Variants in OR7D4 observed in about 807,000 individuals in gnomAD.
The protein encoded by OR7D4 is olfactory receptor family 7 subfamily D member 4.
For missense variants in OR7D4, 319 were observed against 377.1 expected (o/e 0.85, Z 1.27); for synonymous variants, 154 against 158.4 (o/e 0.97, Z 0.21).
At position 9,214,172 on chromosome 19, in the gene OR7D4, G is replaced by C; in HGVS notation, c.666C>G (p.Val222=). The C allele has an allele frequency of 6.2e-7, 1 of 1,614,166 alleles. No individual in the cohort carries two copies. Among genetic ancestry groups the C allele is most frequent in the Non-Finnish European group, 8.5e-7 (1 of 1,180,024 alleles). ...TGGAGGACATTCCCATTAAGGAGGA[G>C]ACAATCTGAGAGTAGGAGAAGAGGA... ...AGILFSYSQI[V]SSLMGMSSTK... The change falls in exon 2 of 2, where the codon GTC becomes GTG. Residue 222 remains valine (V), a synonymous_variant. Coordinates refer to ENST00000641669, the MANE Select transcript of OR7D4 (RefSeq NM_001005191.3).
rs1158804313 is a variant in OR7D4 at position 9,212,626 on chromosome 19, T to C, written c.*1273A>G. 1 of 152,214 alleles carries C rather than the reference T, an allele frequency of 6.6e-6. No homozygotes were observed. The highest frequency in any genetic ancestry group is 1.9e-4 in the East Asian group (1 of 5,190). 9.4% of individuals were successfully genotyped at this position (152,214 alleles called of 1,614,324 possible). A position where few individuals can be genotyped will look rare whatever the true frequency, so the allele number is the denominator to read the frequency against. ...GATTTCTGTGGGCTTATAGGGCTTG[T>C]ATTTCAAAGGGATAGCATGTCAGAC... On this transcript the variant is annotated 3_prime_UTR_variant, in exon 2 of 2. Transcript: ENST00000641669.
Position 9,213,895 on chromosome 19 carries a change from T to C in OR7D4, c.*4A>G, listed in dbSNP as rs867763774. ...TGTCCTCTTAGTTCTGAGGCCCTGA[T>C]TTGTCATGGACAAGAGTCGGCCCTG... is the stretch of plus-strand genomic sequence containing the variant. On this transcript the variant is annotated 3_prime_UTR_variant, in exon 2 of 2. Coordinates refer to ENST00000641669, the MANE Select transcript of OR7D4 (RefSeq NM_001005191.3). The C allele has an allele frequency of 1.2e-6, 2 of 1,610,242 alleles. No homozygotes were observed. Among genetic ancestry groups the C allele is most frequent in the Middle Eastern group, 3.3e-4 (2 of 6,040 alleles).
At chr19:9,217,592 A>G (rs2051224123) in intron 1 of OR7D4, among the ~76,000 whole-genome samples, 2 of 152,048 alleles carry the variant, frequency 1.3e-5, no homozygotes, top group South Asian at 4.1e-4. Flanking sequence ...AGGCTGGAGT[A>G]TAGTGGTGCT....
intron 1 of OR7D4, among the ~76,000 whole-genome samples, chr19:9,218,708 A>G (rs2051235442): frequency 6.6e-6 from 1 of 152,100 alleles, no homozygotes; most frequent in Non-Finnish European, 1.5e-5. Context: ...AGCTTACTGC[A>G]ACCTCTGCCT....
chr19:9,218,031 C>G (rs2051229199), intron 1 of OR7D4, among the ~76,000 whole-genome samples: 2 of 152,170 alleles, frequency 1.3e-5, no homozygotes, highest in Non-Finnish European at 2.9e-5. Context: ...CTATATTCTT[C>G]CTCCTTGTCC....
In OR7D4 at chr19:9,213,911, G is replaced by A. The variant is rs369560207; in HGVS notation, c.927C>T (p.Asp309=). ...GALERLLSRA[D]SCP ...AGGCCCTGATTTGTCATGGACAAGA[G>A]TCGGCCCTGCTGAGGAGTCTTTCCA... is the stretch of plus-strand genomic sequence containing the variant. Residue 309 remains aspartate (D), a synonymous_variant, in exon 2 of 2, where the codon GAC becomes GAT. Coordinates refer to ENST00000641669, the MANE Select transcript of OR7D4 (RefSeq NM_001005191.3). 4 of 1,613,318 alleles carry A rather than the reference G, an allele frequency of 2.5e-6. No individual in the cohort carries two copies. The African/African-American group carries it at 5.3e-5, about 22-fold the overall frequency.
At chr19:9,217,662 C>G (rs186821986) in intron 1 of OR7D4, among the ~76,000 whole-genome samples, 1 of 152,108 alleles carries the variant, frequency 6.6e-6, no homozygotes, top group Non-Finnish European at 1.5e-5. Context: ...TCTCAGCCTC[C>G]TGAGTAGCTG....
At chr19:9,214,872 G>T in intron 1 of OR7D4, 22 bp from the exon 2 acceptor site, 1 of 1,374,608 alleles carries the variant, frequency 7.3e-7, no homozygotes, top group Non-Finnish European at 1.0e-6. Context: ...GGAGGAAAAA[G>T]CAACGTTTAA....
At chr19:9,218,779 C>G (rs1012615872) in intron 1 of OR7D4, among the ~76,000 whole-genome samples, 8 of 151,976 alleles carry the variant, frequency 5.3e-5, no homozygotes, top group African/African-American at 1.9e-4. Context: ...CAGGTGTAAG[C>G]TAAGGTGTCA....
intron 1 of OR7D4, among the ~76,000 whole-genome samples, chr19:9,218,783 G>T (rs900344043): frequency 6.6e-6 from 1 of 152,030 alleles, no homozygotes; most frequent in African/African-American, 2.4e-5. Context: ...TGTAAGCTAA[G>T]GTGTCAGGCT....
chr19:9,211,211 T>C lies in OR7D4; in HGVS notation c.*2688A>G, dbSNP rs1406328219. The C allele has an allele frequency of 6.6e-6, 1 of 152,334 alleles. No individual in the cohort carries two copies. Among genetic ancestry groups the C allele is most frequent in the Non-Finnish European group, 1.5e-5 (1 of 68,148 alleles). The allele number at this position is 152,334 out of a possible 1,614,324, so 9.4% of individuals were successfully genotyped here. ...CAAACTGAGGGGCCTTAGGCCATTG[T>C]CCTGCAAGAACCTAAACCCTACAAA... On this transcript the variant is annotated 3_prime_UTR_variant, in exon 2 of 2. Coordinates refer to ENST00000641669, the MANE Select transcript of OR7D4 (RefSeq NM_001005191.3).
chr19:9,215,627 A>C (rs918267812), intron 1 of OR7D4, among the ~76,000 whole-genome samples: 2 of 152,160 alleles, frequency 1.3e-5, no homozygotes, highest in Non-Finnish European at 2.9e-5. Flanking sequence ...TTCCTTCCTT[A>C]AAATTAAATT....
chr19:9,212,580 G>C lies in OR7D4; in HGVS notation c.*1319C>G, dbSNP rs1006465360. The C allele has an allele frequency of 1.3e-5, 2 of 152,038 alleles. No homozygotes were observed. Among genetic ancestry groups the C allele is most frequent in the African/African-American group, 4.8e-5 (2 of 41,374 alleles). 9.4% of individuals were successfully genotyped at this position (152,038 alleles called of 1,614,324 possible). The stretch of plus-strand genomic sequence containing the variant: ...GTAGTGAGACACCTAAGGGGTTTGT[G>C]CTCCCAGATTCCACGGCTCTGATTT... On this transcript the variant is annotated 3_prime_UTR_variant, in exon 2 of 2. Coordinates refer to ENST00000641669, the MANE Select transcript of OR7D4 (RefSeq NM_001005191.3).
At chr19:9,215,930 A>C (rs1432971862) in intron 1 of OR7D4, among the ~76,000 whole-genome samples, 1 of 152,158 alleles carries the variant, frequency 6.6e-6, no homozygotes, top group African/African-American at 2.4e-5. Flanking sequence ...AAAGATGTTT[A>C]ATGGACTTAC....
chr19:9,214,333 A>G lies in OR7D4; in HGVS notation c.505T>C (p.Ser169Pro). ...AAATGCGGAATCTCAGTGCCTGTGG[A>G]GAAGGTCAACCTCTTCATCAGTAGA... ...HILLMKRLTF[S>P]TGTEIPHFFC... Residue 169 changes from serine to proline, a missense_variant, in exon 2 of 2, where the codon TCC becomes CCC. Ser to Pro is a moderately conservative substitution (Grantham distance 74, BLOSUM62 -1). Coordinates refer to ENST00000641669, the MANE Select transcript of OR7D4 (RefSeq NM_001005191.3). The G allele has an allele frequency of 1.2e-6, 2 of 1,614,190 alleles. No homozygotes were observed. Among genetic ancestry groups the G allele is most frequent in the Non-Finnish European group, 1.7e-6 (2 of 1,180,036 alleles).
At position 9,213,716 on chromosome 19, in the gene OR7D4, C is replaced by T. The variant is rs574903627; in HGVS notation, c.*183G>A. ...TTGCACCACTGCACTCTAGCCTGGG[C>T]GACAGAGCCAGACTCTGTCTCAAAA... On this transcript the variant is annotated 3_prime_UTR_variant, in exon 2 of 2. Transcript: ENST00000641669. 89 of 586,020 alleles carry T rather than the reference C, an allele frequency of 1.5e-4. No individual in the cohort carries two copies. The highest frequency in any genetic ancestry group is 1.2e-3 in the East Asian group (41 of 34,706). The allele number at this position is 586,020 out of a possible 1,614,324, so 36.3% of individuals were successfully genotyped here.
Position 9,214,174 on chromosome 19 carries a change from C to T in OR7D4, c.664G>A (p.Val222Ile), listed in dbSNP as rs1380810376. Residue 222 changes from valine to isoleucine, a missense_variant, in exon 2 of 2, where the codon GTC becomes ATC. Physicochemically the swap from Val to Ile is conservative, Grantham distance 29. Coordinates refer to ENST00000641669, the MANE Select transcript of OR7D4 (RefSeq NM_001005191.3). Reference sequence around the variant, plus strand: ...GAGGACATTCCCATTAAGGAGGAGACAATCTGAGAGTAGGAGAAGAGGATC... The same window carrying T: ...GAGGACATTCCCATTAAGGAGGAGATAATCTGAGAGTAGGAGAAGAGGATC... The part of the protein sequence containing the change: ...AGILFSYSQI[V>I]SSLMGMSSTK... The T allele has an allele frequency of 1.5e-5, 25 of 1,613,988 alleles. No homozygotes were observed. The highest frequency in any genetic ancestry group is 1.8e-5 in the Non-Finnish European group (21 of 1,180,030).
At position 9,214,344 on chromosome 19, in the gene OR7D4, CT is replaced by C; in HGVS notation, c.493del (p.Arg165GlyfsTer2). 1 of 1,614,048 alleles carries C rather than the reference CT, an allele frequency of 6.2e-7. No homozygotes were observed. The highest frequency in any genetic ancestry group is 8.5e-7 in the Non-Finnish European group (1 of 1,179,976). ...FSLVHILLMKRLTFSTGTEIP... is the reference protein window; with the variant it reads ...FSLVHILLMKXLTFSTGTEIP... ...CTCAGTGCCTGTGGAGAAGGTCAAC[CT>C]CTTCATCAGTAGAATATGAACCAGG... On this transcript the variant is annotated frameshift_variant, in exon 2 of 2. Coordinates refer to ENST00000641669, the MANE Select transcript of OR7D4 (RefSeq NM_001005191.3). LOFTEE classifies it low-confidence loss of function (END_TRUNC).
At chr19:9,217,687 T>A (rs1186417720) in intron 1 of OR7D4, among the ~76,000 whole-genome samples, 1 of 152,074 alleles carries the variant, frequency 6.6e-6, no homozygotes, top group Non-Finnish European at 1.5e-5. Flanking sequence ...TACAGGTGTG[T>A]GCCACTACGC....
Sources: gnomAD v4.1 joint callset for allele counts (sites outside exome capture counted in the v4.1 genomes callset) on GRCh38, gnomAD v4.1.1 for gene constraint, MANE v1.5 for transcripts, NCBI Gene and HGNC (gene_info 2026-07-23, HGNC 2026-07-21) for gene names.